Variants in EML4 observed in about 807,000 individuals in gnomAD.
EML4 encodes echinoderm microtubule-associated protein-like 4.
A neutral mutation model predicts 129.0 loss-of-function variants in EML4; 72 were observed. The ratio of observed to expected loss-of-function variants is 0.56; its 90% CI spans 0.46 to 0.68. EML4 has a LOEUF of 0.68. EML4 is among the 30% of genes least tolerant of loss of function. EML4 has a pLI of 0.00. For synonymous variants in EML4, 532 were observed against 405.0 expected, an observed-to-expected ratio of 1.31 and a Z score of -3.77; for missense variants, 1,363 against 1,190.6, an observed-to-expected ratio of 1.14 and a Z score of -2.13.
At chr2:42,284,001 A>G (rs1038250323) in intron 8 of EML4, among the ~76,000 whole-genome samples, 1 of 152,198 alleles carries the variant, frequency 6.6e-6, no homozygotes, top group Non-Finnish European at 1.5e-5. Flanking sequence ...TTTTTCAGAA[A>G]TTTGCTAGTC....
intron 6 of EML4, among the ~76,000 whole-genome samples, chr2:42,278,573 C>CAAAA (rs35916382): frequency 1.8e-4 from 10 of 54,278 alleles, no homozygotes; most frequent in African/African-American, 2.9e-4. Context: ...GACTCCATCT[C>CAAAA]AAAAAAAAAA....
intron 11 of EML4, among the ~76,000 whole-genome samples, chr2:42,293,856 G>A (rs571661683): frequency 1.3e-5 from 2 of 152,062 alleles, no homozygotes; most frequent in South Asian, 2.1e-4. Flanking sequence ...TGATCCACCC[G>A]CCTCAGCCTC....
At position 42,332,338 on chromosome 2, in the gene EML4, C is replaced by A; in HGVS notation, c.*2131C>A. 4.8e-6 allele frequency: 1 copy of A among 210,268 alleles called. No homozygotes were observed. The highest frequency in any genetic ancestry group is 1.9e-4 in the South Asian group (1 of 5,336). 13.0% of individuals were successfully genotyped at this position (210,268 alleles called of 1,614,324 possible). On this transcript the variant is annotated 3_prime_UTR_variant, in exon 23 of 23. Coordinates refer to ENST00000318522, the MANE Select transcript of EML4 (RefSeq NM_019063.5). ...CGTTCCAGCTATTTAATGCTGGCAA[C>A]TACTGTTTAATGGTCAGTTAAATCT... is the stretch of plus-strand genomic sequence containing the variant.
At chr2:42,242,602 C>T (rs1413891135) in intron 1 of EML4, among the ~76,000 whole-genome samples, 2 of 152,032 alleles carry the variant, frequency 1.3e-5, no homozygotes, top group Non-Finnish European at 2.9e-5. Flanking sequence ...ATGACTACTA[C>T]TCCTGTGGTA....
intron 4 of EML4, among the ~76,000 whole-genome samples, chr2:42,262,977 G>T (rs750394165): frequency 2.0e-5 from 3 of 152,150 alleles, no homozygotes; most frequent in Non-Finnish European, 4.4e-5. Flanking sequence ...TCTTCTGAGT[G>T]ATACAGAAAA....
At chr2:42,169,758 G>A (rs1670148439) in intron 1 of EML4, 122 bp downstream of exon 1, 4 of 1,151,936 alleles carry the variant, frequency 3.5e-6, no homozygotes, top group Admixed American at 2.9e-5. Flanking sequence ...CACTGCACAT[G>A]TTCCCTTCGA....
intron 8 of EML4, among the ~76,000 whole-genome samples, chr2:42,283,990 CTT>C (rs943649347): frequency 6.6e-6 from 1 of 152,178 alleles, no homozygotes; most frequent in African/African-American, 2.4e-5. Context: ...ATAAAGATGT[CTT>C]TTTCAGAAAT....
chr2:42,282,489 G>A (rs1346917580), intron 7 of EML4, among the ~76,000 whole-genome samples: 11 of 152,036 alleles, frequency 7.2e-5, no homozygotes, highest in Non-Finnish European at 1.5e-4. Flanking sequence ...GACCTCCTGG[G>A]CTCAAGTGAT....
At chr2:42,288,165 C>G (rs1667417402) in intron 10 of EML4, 62 bp from the exon 11 acceptor site, 3 of 687,760 alleles carry the variant, frequency 4.4e-6, no homozygotes, top group Non-Finnish European at 4.9e-6. Flanking sequence ...GATGGTATTT[C>G]TTTCTTAGAA....
At chr2:42,256,065 T>A (rs1282814737) in intron 2 of EML4, among the ~76,000 whole-genome samples, 1 of 152,216 alleles carries the variant, frequency 6.6e-6, no homozygotes, top group Non-Finnish European at 1.5e-5. Context: ...CTTTATATAC[T>A]TATGCTTTAT....
At chr2:42,284,811 G>T in intron 9 of EML4, 108 bp downstream of exon 9, 1 of 725,528 alleles carries the variant, frequency 1.4e-6, no homozygotes, top group Non-Finnish European at 2.1e-6. Flanking sequence ...TAAAATTTAA[G>T]TACTGAGGAA....
At chr2:42,209,121 A>G (rs17029323) in intron 1 of EML4, among the ~76,000 whole-genome samples, 8,325 of 152,310 alleles carry the variant, frequency 0.055, 277 homozygotes, top group South Asian at 0.084. Context: ...GAGAAATTAC[A>G]GTGTATTAAA....
At chr2:42,282,151 C>T (rs1041080274) in intron 7 of EML4, among the ~76,000 whole-genome samples, 28 of 151,172 alleles carry the variant, frequency 1.9e-4, no homozygotes, top group Admixed American at 7.9e-4. Context: ...TTTTTTACCC[C>T]CCCACGATTT....
At chr2:42,191,401 A>G (rs755437327) in intron 1 of EML4, among the ~76,000 whole-genome samples, 4 of 152,112 alleles carry the variant, frequency 2.6e-5, no homozygotes, top group Non-Finnish European at 4.4e-5. Context: ...CTCCCTCAAC[A>G]CTAGTTTGAG....
intron 11 of EML4, among the ~76,000 whole-genome samples, chr2:42,290,113 TAATC>T (rs1008187064): frequency 1.3e-5 from 2 of 151,492 alleles, no homozygotes; most frequent in African/African-American, 2.4e-5. Context: ...AAAGTTAACT[TAATC>T]AAAACAGAGG....
chr2:42,304,680 C>A, intron 17 of EML4, 129 bp downstream of exon 17: 1 of 719,384 alleles, frequency 1.4e-6, no homozygotes, highest in Non-Finnish European at 2.4e-6. Context: ...TGTTCTTATC[C>A]GTTTTGTATA....
chr2:42,273,719 A>G (rs1404163465), intron 6 of EML4, among the ~76,000 whole-genome samples: 1 of 152,206 alleles, frequency 6.6e-6, no homozygotes. Context: ...TAATAAAACT[A>G]CTAATCTTTA....
intron 1 of EML4, among the ~76,000 whole-genome samples, chr2:42,240,171 A>T (rs538200223): frequency 2.6e-5 from 4 of 152,198 alleles, no homozygotes; most frequent in South Asian, 2.1e-4. Flanking sequence ...TGTTCCTTAT[A>T]ACACTGGAAC....
intron 11 of EML4, 180 bp downstream of exon 11, chr2:42,288,502 A>C (rs796236562): frequency 1.1e-5 from 4 of 357,806 alleles, no homozygotes; most frequent in Admixed American, 4.6e-5. Flanking sequence ...ATAGTTATAC[A>C]AGATAAAATA....
Sources: gnomAD v4.1 joint callset for allele counts (sites outside exome capture counted in the v4.1 genomes callset) on GRCh38, gnomAD v4.1.1 for gene constraint, MANE v1.5 for transcripts, NCBI Gene and HGNC (gene_info 2026-07-23, HGNC 2026-07-21) for gene names.